TFAP2D: variants seen among roughly 807,000 people sequenced by gnomAD.
TFAP2D encodes the protein transcription factor AP-2-delta.
Under a neutral mutation model 43.6 loss-of-function variants are expected in TFAP2D, and 9 were observed. That is an observed-to-expected ratio of 0.21 (90% CI 0.12 to 0.36). TFAP2D has a LOEUF of 0.36. TFAP2D is among the 10% of genes least tolerant of loss of function. The pLI is 1.00. For synonymous variants in TFAP2D, 256 were observed against 224.9 expected (o/e 1.14, Z -1.24); for missense variants, 513 against 561.4 (o/e 0.91, Z 0.87).
chr6:50,753,791 G>A (rs1769229510), intron 7 of TFAP2D, among the ~76,000 whole-genome samples: 1 of 151,790 alleles, frequency 6.6e-6, no homozygotes, highest in Admixed American at 6.6e-5. Flanking sequence ...ATATTAGAAA[G>A]TTATGATTTC....
At chr6:50,753,006 G>A (rs968021818) in intron 7 of TFAP2D, among the ~76,000 whole-genome samples, 5 of 151,802 alleles carry the variant, frequency 3.3e-5, no homozygotes, top group African/African-American at 1.2e-4. Flanking sequence ...AGTAAATGAC[G>A]TATCATTTAC....
chr6:50,732,482 G>A (rs1365598872), intron 5 of TFAP2D, among the ~76,000 whole-genome samples: 1 of 151,950 alleles, frequency 6.6e-6, no homozygotes, highest in Non-Finnish European at 1.5e-5. Flanking sequence ...TTGAGCATAG[G>A]AGAAAAAAAT....
chr6:50,726,679 C>A (rs966450723), intron 3 of TFAP2D, among the ~76,000 whole-genome samples: 10 of 152,292 alleles, frequency 6.6e-5, no homozygotes, highest in Admixed American at 4.6e-4. Flanking sequence ...CTCTACACCA[C>A]AGATTCATTA....
chr6:50,728,594 A>G (rs926047146), intron 3 of TFAP2D, among the ~76,000 whole-genome samples: 2 of 152,176 alleles, frequency 1.3e-5, no homozygotes, highest in Non-Finnish European at 2.9e-5. Context: ...AGCACTGGTG[A>G]GTCAGTCTAC....
At chr6:50,729,534 G>A (rs1768854152) in intron 5 of TFAP2D, among the ~76,000 whole-genome samples, 1 of 152,080 alleles carries the variant, frequency 6.6e-6, no homozygotes, top group African/African-American at 2.4e-5. Flanking sequence ...GGTAGTAATA[G>A]GAAATAAGAC....
intron 7 of TFAP2D, among the ~76,000 whole-genome samples, chr6:50,756,292 G>A (rs1339819289): frequency 1.3e-5 from 2 of 152,098 alleles, no homozygotes; most frequent in East Asian, 3.9e-4. Flanking sequence ...ACAATTGTCA[G>A]AGTGTGATTT....
At chr6:50,765,687 G>C (rs1769431013) in intron 7 of TFAP2D, among the ~76,000 whole-genome samples, 1 of 151,806 alleles carries the variant, frequency 6.6e-6, no homozygotes, top group Non-Finnish European at 1.5e-5. Flanking sequence ...TGTGTCCTAA[G>C]CCCATTTTTA....
At chr6:50,732,257 A>C (rs901547678) in intron 5 of TFAP2D, among the ~76,000 whole-genome samples, 1 of 151,922 alleles carries the variant, frequency 6.6e-6, no homozygotes, top group Non-Finnish European at 1.5e-5. Context: ...TTAAACTGAA[A>C]TCTCTCCTTT....
chr6:50,739,459 T>G (rs1441344848), intron 5 of TFAP2D, among the ~76,000 whole-genome samples: 1 of 152,166 alleles, frequency 6.6e-6, no homozygotes, highest in South Asian at 2.1e-4. Flanking sequence ...ATTTTTTTAA[T>G]CCAGTCTATC....
In TFAP2D at chr6:50,729,300, T is replaced by G; in HGVS notation, c.871T>G (p.Ser291Ala). The G allele has an allele frequency of 6.2e-7, 1 of 1,613,676 alleles. No homozygotes were observed. Among genetic ancestry groups the G allele is most frequent in the Non-Finnish European group, 8.5e-7 (1 of 1,179,682 alleles). The change falls in exon 5 of 8, where the codon TCC becomes GCC. Residue 291 changes from serine to alanine, a missense_variant. Ser to Ala is a moderately conservative substitution (Grantham distance 99). Around this residue, in one of 3 missense-constraint regions of TFAP2D, gnomAD observed 199 missense variants for 227.9 expected, o/e 0.87. Coordinates refer to ENST00000008391, the MANE Select transcript of TFAP2D (RefSeq NM_172238.4). The stretch of plus-strand genomic sequence containing the variant: ...AGCAGCTAATGTCACCCTCCTTACT[T>G]CCTTGGTTGAAGGTATGACTTTTCA... ...RKAANVTLLT[S>A]LVEGEALHLA...
chr6:50,755,697 C>T (rs1769255069), intron 7 of TFAP2D, among the ~76,000 whole-genome samples: 1 of 151,794 alleles, frequency 6.6e-6, no homozygotes, highest in Non-Finnish European at 1.5e-5. Context: ...ATATTAAAAA[C>T]ATTCTACTGG....
chr6:50,771,373 G>C (rs1238119134), intron 7 of TFAP2D, among the ~76,000 whole-genome samples: 2 of 152,156 alleles, frequency 1.3e-5, no homozygotes, highest in African/African-American at 4.8e-5. Context: ...GGTAGGTTAA[G>C]TCCCATGTCC....
intron 7 of TFAP2D, among the ~76,000 whole-genome samples, chr6:50,768,231 T>A (rs183239061): frequency 6.7e-6 from 1 of 150,242 alleles, no homozygotes; most frequent in East Asian, 2.0e-4. Flanking sequence ...TTTTTTTTTT[T>A]CCTGTCTAGG....
chr6:50,745,101 CA>C lies in TFAP2D; in HGVS notation c.884-4del. ...TGAGAAACTCACTTGTGTTATCTGC[CA>C]ACAGGGGAGGCTTTGCACTTGGCTC... On this transcript the variant is annotated splice_polypyrimidine_tract_variant and splice_region_variant and intron_variant, in intron 5 of 7. Coordinates refer to ENST00000008391, the MANE Select transcript of TFAP2D (RefSeq NM_172238.4). The C allele has an allele frequency of 6.2e-7, 1 of 1,613,130 alleles. No homozygotes were observed. Among genetic ancestry groups the C allele is most frequent in the Non-Finnish European group, 8.5e-7 (1 of 1,179,586 alleles).
At chr6:50,761,185 A>T (rs561326729) in intron 7 of TFAP2D, among the ~76,000 whole-genome samples, 7 of 151,802 alleles carry the variant, frequency 4.6e-5, no homozygotes, top group South Asian at 2.1e-4. Context: ...TAACAAAATA[A>T]TAGGAATAAT....
At chr6:50,758,408 T>A (rs998529224) in intron 7 of TFAP2D, among the ~76,000 whole-genome samples, 1 of 152,042 alleles carries the variant, frequency 6.6e-6, no homozygotes, top group Non-Finnish European at 1.5e-5. Context: ...CTTCCTTCCA[T>A]TTCCCAATGT....
intron 5 of TFAP2D, among the ~76,000 whole-genome samples, chr6:50,736,384 C>G (rs901734445): frequency 6.6e-6 from 1 of 152,074 alleles, no homozygotes; most frequent in East Asian, 1.9e-4. Context: ...TCGTATCATT[C>G]ATAAATGTCT....
intron 1 of TFAP2D, among the ~76,000 whole-genome samples, chr6:50,714,860 C>A (rs1003018414): frequency 6.6e-6 from 1 of 151,888 alleles, no homozygotes; most frequent in Admixed American, 6.6e-5. Flanking sequence ...TGGTGTCACC[C>A]GCACCTATAT....
At chr6:50,751,738 T>C (rs1429035636) in intron 7 of TFAP2D, among the ~76,000 whole-genome samples, 2 of 151,914 alleles carry the variant, frequency 1.3e-5, no homozygotes, top group Non-Finnish European at 2.9e-5. Flanking sequence ...CATTGGAGAT[T>C]AGGTTTCAGT....
Sources: allele counts gnomAD v4.1 joint callset (sites outside exome capture counted in the v4.1 genomes callset), GRCh38; gene constraint gnomAD v4.1.1; regional missense constraint gnomAD v4.1.1; transcripts MANE v1.5; gene names NCBI Gene and HGNC (gene_info 2026-07-23, HGNC 2026-07-21).